Variants in BAZ1A observed in about 807,000 individuals in gnomAD.
BAZ1A encodes the protein bromodomain adjacent to zinc finger domain protein 1A.
BAZ1A carries 50 observed loss-of-function variants against 185.2 expected under a neutral mutation model. The ratio of observed to expected loss-of-function variants is 0.27; its 90% CI spans 0.22 to 0.34. The LOEUF (loss-of-function observed/expected upper bound fraction) is 0.34. Among genes scored for constraint, BAZ1A ranks in the 10% least tolerant of loss-of-function variants. The pLI, the probability that BAZ1A is intolerant of heterozygous loss-of-function variation, is 1.00. For synonymous variants in BAZ1A, 571 were observed against 615.6 expected, an observed-to-expected ratio of 0.93 and a Z score of 1.07; for missense variants, 1,356 against 1,839.9, an observed-to-expected ratio of 0.74 and a Z score of 4.81.
intron 2 of BAZ1A, among the ~76,000 whole-genome samples, chr14:34,867,070 T>C (rs2042872363): frequency 6.6e-6 from 1 of 151,762 alleles, no homozygotes; most frequent in South Asian, 2.1e-4. Flanking sequence ...ACATGCTGGC[T>C]AACACAGTGA....
chr14:34,753,472 T>G lies in BAZ1A; in HGVS notation c.*36A>C. On this transcript the variant is annotated 3_prime_UTR_variant, in exon 27 of 27. Transcript: ENST00000360310. ...TAATGTTCCATTTTCATGAACAATT[T>G]GTTTTTCTTCAAATATATCCTTTAG... is the stretch of plus-strand genomic sequence containing the variant. 6.2e-7 allele frequency: 1 copy of G among 1,604,328 alleles called. No individual in the cohort carries two copies. The highest frequency in any genetic ancestry group is 1.3e-5 in the African/African-American group (1 of 74,922).
chr14:34,844,775 G>GCACACACACA (rs773913609), intron 3 of BAZ1A, among the ~76,000 whole-genome samples: 1 of 135,486 alleles, frequency 7.4e-6, no homozygotes, highest in African/African-American at 2.9e-5. Flanking sequence ...ACACACACAC[G>GCACACACACA]CGCACACACA....
At chr14:34,821,385 A>T (rs1376710903) in intron 4 of BAZ1A, among the ~76,000 whole-genome samples, 1 of 152,236 alleles carries the variant, frequency 6.6e-6, no homozygotes, top group African/African-American at 2.4e-5. Context: ...GAATAAAAAT[A>T]AATGAATAAA....
chr14:34,842,087 T>G lies in BAZ1A; in HGVS notation c.393-15931A>C, dbSNP rs775353674. 5.3e-5 allele frequency among the ~76,000 whole-genome samples: 8 copies of G among 152,324 alleles called. No individual in the cohort carries two copies. In the East Asian group the frequency reaches 9.6e-4, roughly 18 times the overall value. ...TCTAAGTCACAAGTCCCTGTCTTAT[T>G]CATAACCCTTTTCCCAATGCCTACA... On this transcript the variant is annotated intron_variant, in intron 3 of 26. Coordinates refer to ENST00000360310, the MANE Select transcript of BAZ1A (RefSeq NM_013448.3).
At chr14:34,857,192 G>A (rs142374641) in intron 3 of BAZ1A, among the ~76,000 whole-genome samples, 1 of 151,854 alleles carries the variant, frequency 6.6e-6, no homozygotes, top group Non-Finnish European at 1.5e-5. Context: ...ATTTTTAGTA[G>A]AGATGGGGTT....
Position 34,762,128 on chromosome 14 carries a change from G to C in BAZ1A, c.3872C>G (p.Pro1291Arg). 13 of 1,614,198 alleles carry C rather than the reference G, an allele frequency of 8.1e-6. No individual in the cohort carries two copies. Among genetic ancestry groups the C allele is most frequent in the Non-Finnish European group, 1.1e-5 (13 of 1,180,044 alleles). The change falls in exon 24 of 27, where the codon CCT becomes CGT. Residue 1291 changes from proline to arginine, a missense_variant. This residue lies in a region of BAZ1A where 309 missense variants were observed against 355.3 expected (regional missense o/e 0.87). Transcript: ENST00000360310. The part of the protein sequence containing the change: ...SFSSRGQQQE[P>R]GRYPSRSQQS... The stretch of plus-strand genomic sequence containing the variant: ...CTGACTCCTTGAAGGGTATCTTCCA[G>C]GTTCTTGTTGTTGGCCACGACTTGA...
At chr14:34,824,513 T>G (rs2042137798) in intron 4 of BAZ1A, among the ~76,000 whole-genome samples, 1 of 151,640 alleles carries the variant, frequency 6.6e-6, no homozygotes, top group African/African-American at 2.4e-5. Context: ...AATGTGCTAG[T>G]TAGATGACCT....
chr14:34,756,217 G>A (rs1441047299), intron 25 of BAZ1A, among the ~76,000 whole-genome samples: 4 of 150,886 alleles, frequency 2.7e-5, no homozygotes, highest in Non-Finnish European at 5.9e-5. Context: ...GGGTTCAAGC[G>A]ATTGTCCTGC....
At chr14:34,823,376 T>C (rs114727392) in intron 4 of BAZ1A, among the ~76,000 whole-genome samples, 1 of 138,512 alleles carries the variant, frequency 7.2e-6, no homozygotes, top group Non-Finnish European at 1.6e-5. Context: ...AGTTAGTACA[T>C]GGGTCGGGTG....
chr14:34,764,292 T>TC (rs1878662805), intron 23 of BAZ1A, among the ~76,000 whole-genome samples: 1 of 143,132 alleles, frequency 7.0e-6, no homozygotes, highest in African/African-American at 2.6e-5. Context: ...TTCTTTTCTT[T>TC]TTTTTTTTTT....
At chr14:34,798,606 C>T (rs1028554573) in intron 9 of BAZ1A, among the ~76,000 whole-genome samples, 6 of 152,192 alleles carry the variant, frequency 3.9e-5, no homozygotes, top group African/African-American at 1.4e-4. Context: ...CAAAAGAAGA[C>T]ATTTATGCAG....
At chr14:34,763,852 C>T (rs1203236408) in intron 23 of BAZ1A, among the ~76,000 whole-genome samples, 3 of 152,074 alleles carry the variant, frequency 2.0e-5, no homozygotes, top group African/African-American at 4.8e-5. Context: ...TTTATATGCC[C>T]TGGGAAACCA....
chr14:34,835,952 G>A lies in BAZ1A; in HGVS notation c.393-9796C>T, dbSNP rs1020638885. Among the ~76,000 whole-genome samples, 8 of 151,946 alleles carry A rather than the reference G, an allele frequency of 5.3e-5. No individual in the cohort carries two copies. In the South Asian group the frequency reaches 1.7e-3, roughly 31 times the overall value. On this transcript the variant is annotated intron_variant, in intron 3 of 26. Transcript: ENST00000360310. ...TCCCAAAGTGTTGGATTACAGGCGT[G>A]AGCCACTGCGCCCAGCTGGAAATAG...
chr14:34,874,679 G>A lies in BAZ1A; in HGVS notation c.-58-17C>T. On this transcript the variant is annotated splice_polypyrimidine_tract_variant and intron_variant, in intron 1 of 26. Coordinates refer to ENST00000360310, the MANE Select transcript of BAZ1A (RefSeq NM_013448.3). This position sits in a 1 kb window ranked among gnomAD's most constrained non-coding sequence, Gnocchi z 4.7. ...CCCGCTTCCCTATCAAAATTGGAGG[G>A]AAAGGAAAGCCGGTAAGGTGGGGAG... 1.5e-6 allele frequency: 2 copies of A among 1,331,616 alleles called. No homozygotes were observed. The highest frequency in any genetic ancestry group is 2.1e-6 in the Non-Finnish European group (2 of 962,686). 82.5% of individuals were successfully genotyped at this position (1,331,616 alleles called of 1,614,324 possible).
intron 3 of BAZ1A, among the ~76,000 whole-genome samples, chr14:34,840,763 A>C (rs1404360746): frequency 3.0e-5 from 3 of 99,560 alleles, no homozygotes; most frequent in Non-Finnish European, 4.5e-5. Context: ...TCTCCCCCCC[A>C]AAAACAAACA....
intron 23 of BAZ1A, 120 bp from the exon 24 acceptor site, chr14:34,762,343 CT>C: frequency 1.1e-6 from 1 of 888,122 alleles, no homozygotes; most frequent in Non-Finnish European, 1.7e-6. Flanking sequence ...ATAACTGAGA[CT>C]TATCCTAGAC....
At chr14:34,853,845 T>C (rs544683992) in intron 3 of BAZ1A, among the ~76,000 whole-genome samples, 1 of 152,040 alleles carries the variant, frequency 6.6e-6, no homozygotes, top group Admixed American at 6.6e-5. Context: ...AAAAGAATAT[T>C]GAAGCGAGCA....
chr14:34,866,367 A>G (rs1444597000), intron 2 of BAZ1A, among the ~76,000 whole-genome samples: 1 of 151,932 alleles, frequency 6.6e-6, no homozygotes, highest in African/African-American at 2.4e-5. Flanking sequence ...ACATGCCTGT[A>G]GTCCTAGCTA....
At position 34,872,941 on chromosome 14, in the gene BAZ1A, A is replaced by AAAAAAAAC. The variant is rs1555346584; in HGVS notation, c.113+1550_113+1551insGTTTTTTT. 1.6e-3 allele frequency among the ~76,000 whole-genome samples: 191 copies of AAAAAAAAC among 122,674 alleles called. 13 individuals carry two copies. Among genetic ancestry groups the AAAAAAAAC allele is most frequent in the African/African-American group, 5.8e-3 (179 of 30,814 alleles). 80.5% of individuals were successfully genotyped at this position (122,674 alleles called of 152,430 possible). On this transcript the variant is annotated intron_variant, in intron 2 of 26. Transcript: ENST00000360310. ...AAAAAAAAAAAAAAAAAAAAAAAAA[A>AAAAAAAAC]CTTGTCCAATTACCTAATCCAAGTT...
Sources: allele counts gnomAD v4.1 joint callset (sites outside exome capture counted in the v4.1 genomes callset), GRCh38; gene constraint gnomAD v4.1.1; regional missense constraint gnomAD v4.1.1; non-coding constraint Gnocchi (gnomAD v3.1); transcripts MANE v1.5; gene names NCBI Gene and HGNC (gene_info 2026-07-23, HGNC 2026-07-21).